PLXDC2: variants seen among roughly 807,000 people sequenced by gnomAD.
The protein encoded by PLXDC2 is plexin domain-containing protein 2.
A neutral mutation model predicts 68.9 loss-of-function variants in PLXDC2; 40 were observed. That is an observed-to-expected ratio of 0.58 (90% CI 0.45 to 0.76). PLXDC2 has a LOEUF of 0.76. Ranked by LOEUF, PLXDC2 falls within the 30% of genes least tolerant of loss-of-function variation. PLXDC2 has a pLI of 0.00. For missense variants in PLXDC2, 644 were observed against 661.9 expected, an observed-to-expected ratio of 0.97 and a Z score of 0.30; for synonymous variants, 243 against 234.2, an observed-to-expected ratio of 1.04 and a Z score of -0.34.
intron 1 of PLXDC2, among the ~76,000 whole-genome samples, chr10:19,836,761 G>A (rs1217462839): frequency 1.3e-5 from 2 of 152,264 alleles, no homozygotes; most frequent in South Asian, 2.1e-4. Flanking sequence ...CTGAAAGAAA[G>A]GCAATCCTGA....
intron 9 of PLXDC2, among the ~76,000 whole-genome samples, chr10:20,204,783 G>C (rs1834968084): frequency 6.6e-6 from 1 of 152,152 alleles, no homozygotes; most frequent in South Asian, 2.1e-4. Context: ...GTGGTGACTA[G>C]TTGGGACAGA....
intron 1 of PLXDC2, among the ~76,000 whole-genome samples, chr10:19,871,882 C>CAAA (rs66537453): frequency 8.2e-6 from 1 of 122,084 alleles, no homozygotes; most frequent in Admixed American, 8.2e-5. Flanking sequence ...GTGAAACTGT[C>CAAA]AAAAAAAAAA....
intron 13 of PLXDC2, among the ~76,000 whole-genome samples, chr10:20,246,955 C>A (rs1835605258): frequency 6.6e-6 from 1 of 152,006 alleles, no homozygotes; most frequent in East Asian, 1.9e-4. Flanking sequence ...CTTGATAGCT[C>A]ACAACTGTCT....
chr10:19,843,746 A>G (rs1589496436), intron 1 of PLXDC2, among the ~76,000 whole-genome samples: 1 of 152,184 alleles, frequency 6.6e-6, no homozygotes, highest in East Asian at 1.9e-4. Flanking sequence ...AAAGAATAGA[A>G]TGACTGATAT....
chr10:20,090,390 G>T (rs973200889), intron 4 of PLXDC2, among the ~76,000 whole-genome samples: 1 of 152,110 alleles, frequency 6.6e-6, no homozygotes, highest in Non-Finnish European at 1.5e-5. Flanking sequence ...CAAGCAAGAG[G>T]TGGCCCTGGT....
intron 1 of PLXDC2, among the ~76,000 whole-genome samples, chr10:19,878,020 A>T (rs1837664654): frequency 6.6e-6 from 1 of 152,252 alleles, no homozygotes; most frequent in South Asian, 2.1e-4. Flanking sequence ...GAATATGCAT[A>T]GTAAAGACAT....
At chr10:20,227,615 A>G (rs1392717289) in intron 12 of PLXDC2, among the ~76,000 whole-genome samples, 1 of 152,152 alleles carries the variant, frequency 6.6e-6, no homozygotes, top group Non-Finnish European at 1.5e-5. Flanking sequence ...CACCAGCCAT[A>G]AAGTATCAGA....
chr10:19,974,586 A>G (rs1206704112), intron 1 of PLXDC2, among the ~76,000 whole-genome samples: 1 of 152,226 alleles, frequency 6.6e-6, no homozygotes, highest in Non-Finnish European at 1.5e-5. Flanking sequence ...GGAATGAAGG[A>G]AAGAAACAGA....
intron 5 of PLXDC2, among the ~76,000 whole-genome samples, chr10:20,143,627 C>T (rs1278396556): frequency 6.6e-6 from 1 of 152,042 alleles, no homozygotes. Flanking sequence ...ATCTACTATA[C>T]ACAGTAAAAC....
intron 2 of PLXDC2, among the ~76,000 whole-genome samples, chr10:20,022,258 T>A (rs548154387): frequency 6.6e-6 from 1 of 152,236 alleles, no homozygotes; most frequent in African/African-American, 2.4e-5. Flanking sequence ...GTTGCCAGTA[T>A]TTTTTAGTAA....
chr10:19,908,516 T>G (rs1201098953), intron 1 of PLXDC2, among the ~76,000 whole-genome samples: 1 of 152,188 alleles, frequency 6.6e-6, no homozygotes, highest in African/African-American at 2.4e-5. Flanking sequence ...AACATTCTTC[T>G]AACATAGGAG....
At chr10:20,229,199 A>C (rs1033757386) in intron 12 of PLXDC2, among the ~76,000 whole-genome samples, 4 of 152,068 alleles carry the variant, frequency 2.6e-5, no homozygotes, top group Admixed American at 2.6e-4. Flanking sequence ...GAGGGAAGGG[A>C]GACAGGAGGG....
chr10:19,865,700 G>A (rs145395276), intron 1 of PLXDC2, among the ~76,000 whole-genome samples: 1 of 152,186 alleles, frequency 6.6e-6, no homozygotes, highest in Non-Finnish European at 1.5e-5. Flanking sequence ...GCTTCATAAA[G>A]AACTGAGACC....
chr10:20,149,245 T>C (rs1427615524), intron 6 of PLXDC2, among the ~76,000 whole-genome samples: 1 of 131,144 alleles, frequency 7.6e-6, no homozygotes, highest in African/African-American at 2.9e-5. Context: ...TTTTTTTTTT[T>C]TTTTTTTTTT....
At chr10:20,074,453 T>C (rs1341017800) in intron 4 of PLXDC2, among the ~76,000 whole-genome samples, 1 of 152,114 alleles carries the variant, frequency 6.6e-6, no homozygotes, top group Non-Finnish European at 1.5e-5. Context: ...CTTTTTGAGG[T>C]ATGGTATATT....
intron 1 of PLXDC2, among the ~76,000 whole-genome samples, chr10:19,846,479 C>G (rs896533653): frequency 6.6e-6 from 1 of 152,042 alleles, no homozygotes; most frequent in African/African-American, 2.4e-5. Flanking sequence ...TGATGTGATA[C>G]CTTCCATTTA....
rs1324134059 is a variant in PLXDC2 at position 20,091,260 on chromosome 10, CT to C, written c.541+23022del. Among the ~76,000 whole-genome samples, 3 of 152,296 alleles carry C rather than the reference CT, an allele frequency of 2.0e-5. No homozygotes were observed. The East Asian group carries it at 5.8e-4, about 29-fold the overall frequency. On this transcript the variant is annotated intron_variant, in intron 4 of 13. Coordinates refer to ENST00000377252, the MANE Select transcript of PLXDC2 (RefSeq NM_032812.9). ...TCTCACCACCAGCATACCTTTCCCC[CT>C]GTGAACTGTATTTTTATCCACCCCT...
chr10:20,235,483 G>A (rs980104554), intron 12 of PLXDC2, among the ~76,000 whole-genome samples: 5 of 152,162 alleles, frequency 3.3e-5, no homozygotes, highest in African/African-American at 1.2e-4. Context: ...TATATTTTAA[G>A]CACAATGCCA....
chr10:20,244,411 T>G (rs950963088), intron 12 of PLXDC2, among the ~76,000 whole-genome samples: 8 of 152,344 alleles, frequency 5.3e-5, no homozygotes, highest in African/African-American at 1.9e-4. Flanking sequence ...AGCATCTCAG[T>G]AAAAGTTAGA....
Sources: gnomAD v4.1 joint callset for allele counts (sites outside exome capture counted in the v4.1 genomes callset) on GRCh38, gnomAD v4.1.1 for gene constraint, MANE v1.5 for transcripts, NCBI Gene and HGNC (gene_info 2026-07-23, HGNC 2026-07-21) for gene names.